KCNH5: variants seen among roughly 807,000 people sequenced by gnomAD.
KCNH5 encodes the protein voltage-gated delayed rectifier potassium channel KCNH5.
Under a neutral mutation model 96.1 loss-of-function variants are expected in KCNH5, and 46 were observed. The ratio of observed to expected loss-of-function variants is 0.48; its 90% CI spans 0.38 to 0.61. KCNH5 has a LOEUF of 0.61. Ranked by LOEUF, KCNH5 falls within the 20% of genes least tolerant of loss-of-function variation. The pLI, the probability that KCNH5 is intolerant of heterozygous loss-of-function variation, is 0.00. For synonymous variants in KCNH5, 439 were observed against 449.8 expected (o/e 0.98, Z 0.30); for missense variants, 907 against 1,225.8 (o/e 0.74, Z 3.88).
intron 6 of KCNH5, among the ~76,000 whole-genome samples, chr14:62,960,359 CT>C: frequency 6.6e-6 from 1 of 152,112 alleles, no homozygotes. Context: ...TTTGCTCATT[CT>C]TTTATCCCTA....
At chr14:62,850,498 A>AT (rs369546879) in intron 7 of KCNH5, among the ~76,000 whole-genome samples, 22 of 152,020 alleles carry the variant, frequency 1.4e-4, no homozygotes, top group South Asian at 4.2e-4. Flanking sequence ...TATTCCAGTG[A>AT]TTTTTTTTAT....
At chr14:63,008,196 G>T (rs1010003226) in intron 2 of KCNH5, among the ~76,000 whole-genome samples, 1 of 152,050 alleles carries the variant, frequency 6.6e-6, no homozygotes. Flanking sequence ...CAGATCCAAA[G>T]TGTGGTGGAG....
At chr14:62,848,713 T>C (rs1012475624) in intron 8 of KCNH5, among the ~76,000 whole-genome samples, 3 of 152,162 alleles carry the variant, frequency 2.0e-5, no homozygotes, top group African/African-American at 7.2e-5. Context: ...CATTGAAAGA[T>C]GCTTTTTGAG....
chr14:63,023,791 A>G (rs75596933), intron 1 of KCNH5, among the ~76,000 whole-genome samples: 14 of 152,318 alleles, frequency 9.2e-5, no homozygotes, highest in Admixed American at 7.8e-4. Context: ...CTGACCACAA[A>G]GTTATAAAGC....
chr14:63,004,203 C>T (rs113231383), intron 3 of KCNH5, among the ~76,000 whole-genome samples: 6 of 152,238 alleles, frequency 3.9e-5, no homozygotes, highest in African/African-American at 1.2e-4. Context: ...CAAAAATATG[C>T]TTTTCTCAGC....
intron 1 of KCNH5, among the ~76,000 whole-genome samples, chr14:63,043,445 C>T (rs537356407): frequency 6.6e-6 from 1 of 152,142 alleles, no homozygotes. Context: ...TTTCCCCAAA[C>T]TGTTTTAAGA....
intron 8 of KCNH5, among the ~76,000 whole-genome samples, chr14:62,816,862 T>A (rs563578823): frequency 6.6e-6 from 1 of 151,466 alleles, no homozygotes; most frequent in African/African-American, 2.4e-5. Context: ...TCAAACCGAA[T>A]ATTTTCAAAT....
intron 10 of KCNH5, among the ~76,000 whole-genome samples, chr14:62,737,905 C>A (rs1885192389): frequency 6.6e-6 from 1 of 152,082 alleles, no homozygotes; most frequent in Non-Finnish European, 1.5e-5. Flanking sequence ...CCAAGGCCCC[C>A]AGTGGATGCC....
intron 10 of KCNH5, among the ~76,000 whole-genome samples, chr14:62,778,198 G>A (rs888942191): frequency 1.3e-5 from 2 of 152,120 alleles, no homozygotes; most frequent in Admixed American, 6.6e-5. Flanking sequence ...AGGGGGACTG[G>A]TTCCAGGATC....
intron 10 of KCNH5, among the ~76,000 whole-genome samples, chr14:62,755,082 G>A (rs1410016997): frequency 6.6e-6 from 1 of 151,240 alleles, no homozygotes; most frequent in Non-Finnish European, 1.5e-5. Flanking sequence ...CCAAAATTTA[G>A]TGGATGAAAA....
chr14:62,958,534 G>T (rs988512986), intron 6 of KCNH5, among the ~76,000 whole-genome samples: 7 of 152,178 alleles, frequency 4.6e-5, no homozygotes, highest in Non-Finnish European at 8.8e-5. Flanking sequence ...TCTCTGTCAA[G>T]ATCAATGGCC....
At chr14:62,940,971 G>A (rs766409095) in intron 7 of KCNH5, among the ~76,000 whole-genome samples, 8 of 152,186 alleles carry the variant, frequency 5.3e-5, no homozygotes, top group South Asian at 2.1e-4. Context: ...CAGATGAGAC[G>A]AGGATGAAGG....
At chr14:62,794,838 C>G (rs1372727807) in intron 9 of KCNH5, among the ~76,000 whole-genome samples, 2 of 151,980 alleles carry the variant, frequency 1.3e-5, no homozygotes, top group East Asian at 1.9e-4. Context: ...GAAATTAATT[C>G]AGATTTATTG....
chr14:62,986,762 G>A (rs189416648), intron 5 of KCNH5, among the ~76,000 whole-genome samples: 2 of 152,270 alleles, frequency 1.3e-5, no homozygotes, highest in East Asian at 3.9e-4. Flanking sequence ...GCCAAGCACA[G>A]AGCATACCCT....
rs113365676 is a variant in KCNH5 at position 62,919,769 on chromosome 14, T to G, written c.1369+30364A>C. 3.4e-3 allele frequency among the ~76,000 whole-genome samples: 513 copies of G among 152,196 alleles called. 4 individuals carry two copies. Among genetic ancestry groups the G allele is most frequent in the African/African-American group, 0.012 (489 of 41,574 alleles). On this transcript the variant is annotated intron_variant, in intron 7 of 10. Coordinates refer to ENST00000322893, the MANE Select transcript of KCNH5 (RefSeq NM_139318.5). ...ATGAAAGTACTGATTACTCTTATTA[T>G]CATGTGTCACCTAAGGACACTGTGA...
At chr14:62,807,708 G>A (rs1418777391) in intron 8 of KCNH5, among the ~76,000 whole-genome samples, 2 of 151,868 alleles carry the variant, frequency 1.3e-5, no homozygotes, top group African/African-American at 4.8e-5. Flanking sequence ...TATAAAAAAG[G>A]ATCTTGTACC....
chr14:62,964,801 G>A (rs916851777), intron 6 of KCNH5, among the ~76,000 whole-genome samples: 1 of 152,086 alleles, frequency 6.6e-6, no homozygotes, highest in South Asian at 2.1e-4. Flanking sequence ...GAGGGTAGAT[G>A]TCAAACTTTG....
intron 7 of KCNH5, among the ~76,000 whole-genome samples, chr14:62,922,509 T>C (rs1300373914): frequency 6.6e-6 from 1 of 151,982 alleles, no homozygotes; most frequent in African/African-American, 2.4e-5. Context: ...GTGTTGGTTG[T>C]ATCTAATATC....
At chr14:62,878,873 C>T (rs1292082847) in intron 7 of KCNH5, among the ~76,000 whole-genome samples, 2 of 151,960 alleles carry the variant, frequency 1.3e-5, no homozygotes, top group African/African-American at 2.4e-5. Flanking sequence ...TATCTGTGTC[C>T]GAATTTCCTC....
Sources: gnomAD v4.1 joint callset for allele counts (sites outside exome capture counted in the v4.1 genomes callset) on GRCh38, gnomAD v4.1.1 for gene constraint, MANE v1.5 for transcripts, NCBI Gene and HGNC (gene_info 2026-07-23, HGNC 2026-07-21) for gene names.